The following BMP1 variants were observed in gnomAD, a reference collection of about 807,000 sequenced individuals.
The protein encoded by BMP1 is bone morphogenetic protein 1.
In BMP1, 63 loss-of-function variants were observed where a neutral mutation model predicts 116.8. The ratio of observed to expected loss-of-function variants is 0.54; its 90% CI spans 0.44 to 0.67. The LOEUF (loss-of-function observed/expected upper bound fraction) is 0.67, where lower values mean the gene tolerates loss of function less well. BMP1 is among the 30% of genes least tolerant of loss of function. The pLI is 0.00. For synonymous variants in BMP1, 536 were observed against 533.4 expected, an observed-to-expected ratio of 1.00 and a Z score of -0.07; for missense variants, 1,183 against 1,358.9, an observed-to-expected ratio of 0.87 and a Z score of 2.04.
chr8:22,201,413 G>C (rs1829260708), intron 15 of BMP1: 1 of 1,430,154 alleles, frequency 7.0e-7, no homozygotes. Context: ...CTCCCATTTT[G>C]ATGGTGTCTG....
At chr8:22,207,753 T>G (rs541070452) in intron 18 of BMP1, among the ~76,000 whole-genome samples, 1 of 152,262 alleles carries the variant, frequency 6.6e-6, no homozygotes, top group African/African-American at 2.4e-5. Flanking sequence ...GTGAGGGAAC[T>G]CAGGGACAGA....
chr8:22,192,873 CTT>C (rs944067277), intron 9 of BMP1, among the ~76,000 whole-genome samples: 2 of 152,222 alleles, frequency 1.3e-5, no homozygotes, highest in African/African-American at 4.8e-5. Flanking sequence ...CAGGACCACT[CTT>C]TGGCAACAGA....
At chr8:22,188,168 C>T (rs1384511133) in intron 8 of BMP1, among the ~76,000 whole-genome samples, 1 of 149,554 alleles carries the variant, frequency 6.7e-6, no homozygotes, top group Admixed American at 6.6e-5. Flanking sequence ...TGATCATTTC[C>T]AGTTTTGGGT....
rs201284052 is a variant in BMP1 at position 22,201,110 on chromosome 8, C to T, written c.2108-693C>T. 7.6e-6 allele frequency: 12 copies of T among 1,572,220 alleles called. No homozygotes were observed. Among genetic ancestry groups the T allele is most frequent in the South Asian group, 3.3e-5 (3 of 90,534 alleles). ...TGGTCCCTTTTCTCCTTCTCTCTCTCGTTTCAGAAAAGAGGCCAGCTCTGC... is the reference window on the plus strand; with the variant it reads ...TGGTCCCTTTTCTCCTTCTCTCTCTTGTTTCAGAAAAGAGGCCAGCTCTGC... On this transcript the variant is annotated intron_variant, in intron 15 of 19. Transcript: ENST00000306385.
In BMP1 at chr8:22,176,648, C is replaced by T. The variant is rs770454056; in HGVS notation, c.549C>T (p.Cys183=). 5 of 1,614,008 alleles carry T rather than the reference C, an allele frequency of 3.1e-6. No homozygotes were observed. The highest frequency in any genetic ancestry group is 4.2e-6 in the Non-Finnish European group (5 of 1,179,894). The change falls in exon 4 of 20, where the codon TGC becomes TGT. Residue 183 remains cysteine, a splice_region_variant and synonymous_variant. Coordinates refer to ENST00000306385, the MANE Select transcript of BMP1 (RefSeq NM_006129.5). ...DSYIVFTYRP[C]GCCSYVGRRG... Reference sequence around the variant, plus strand: ...ATATTGTGTTCACCTATCGACCTTGCGGGTGAGCAGGAAGCCCTAGGCGCT... The same window carrying T: ...ATATTGTGTTCACCTATCGACCTTGTGGGTGAGCAGGAAGCCCTAGGCGCT...
chr8:22,198,090 T>G (rs973198730), intron 15 of BMP1, among the ~76,000 whole-genome samples: 6 of 151,964 alleles, frequency 3.9e-5, no homozygotes, highest in Admixed American at 3.3e-4. Context: ...GAGGCTGAGG[T>G]AGGAGGATTG....
intron 8 of BMP1, among the ~76,000 whole-genome samples, chr8:22,190,857 C>A (rs1828911759): frequency 6.6e-6 from 1 of 152,206 alleles, no homozygotes; most frequent in African/African-American, 2.4e-5. Flanking sequence ...GAACCCAGCT[C>A]TCCCAGAGCA....
chr8:22,170,918 T>G (rs1440421329), intron 1 of BMP1: 2 of 151,368 alleles, frequency 1.3e-5, no homozygotes, highest in Non-Finnish European at 2.9e-5. Flanking sequence ...AGAGTGAGAC[T>G]CCATTTCAAA....
intron 2 of BMP1, among the ~76,000 whole-genome samples, chr8:22,174,984 A>G (rs937065947): frequency 9.2e-5 from 14 of 152,294 alleles, no homozygotes; most frequent in Non-Finnish European, 1.8e-4. Context: ...GTGTGCCTGA[A>G]GTTGTCCTGT....
intron 16 of BMP1, among the ~76,000 whole-genome samples, chr8:22,206,204 TA>T (rs1829351234): frequency 6.6e-6 from 1 of 151,402 alleles, no homozygotes; most frequent in Non-Finnish European, 1.5e-5. Flanking sequence ...CTGTCTCTAC[TA>T]AAAATACAAA....
In BMP1 at chr8:22,194,634, G is replaced by C; in HGVS notation, c.1443+44G>C. On this transcript the variant is annotated intron_variant, in intron 11 of 19. Transcript: ENST00000306385. This position sits in a 1 kb window ranked among gnomAD's most constrained non-coding sequence, Gnocchi z 4.5. ...GATCTGACCTTTGAATCCAGCAGTT[G>C]CTCCCTGGGACAGCTGCCTCTCTTT... 6.2e-7 allele frequency: 1 copy of C among 1,608,174 alleles called. No individual in the cohort carries two copies. Among genetic ancestry groups the C allele is most frequent in the Non-Finnish European group, 8.5e-7 (1 of 1,176,078 alleles).
intron 18 of BMP1, among the ~76,000 whole-genome samples, chr8:22,208,278 G>A (rs73551751): frequency 0.25 from 38,214 of 152,212 alleles, 8,679 homozygotes; most frequent in African/African-American, 0.61. Context: ...CAGCCCTTGA[G>A]GGGCTTGCTC....
intron 15 of BMP1, chr8:22,199,115 C>G: frequency 7.3e-7 from 1 of 1,367,686 alleles, no homozygotes; most frequent in South Asian, 1.1e-5. Context: ...CCCGCCCCAC[C>G]CTCAGCCCTG....
intron 1 of BMP1, among the ~76,000 whole-genome samples, chr8:22,172,605 C>CT (rs1433423476): frequency 1.4e-5 from 2 of 140,818 alleles, no homozygotes; most frequent in African/African-American, 5.5e-5. Context: ...ATTTTATTTC[C>CT]TCTTTTTTTT....
chr8:22,172,147 C>T (rs567848092), intron 1 of BMP1, among the ~76,000 whole-genome samples: 47 of 152,210 alleles, frequency 3.1e-4, no homozygotes, highest in Non-Finnish European at 5.4e-4. Context: ...ATTTGTGTAA[C>T]GCGACCGCCA....
At chr8:22,208,411 A>G (rs1350854082) in intron 18 of BMP1, among the ~76,000 whole-genome samples, 1 of 152,200 alleles carries the variant, frequency 6.6e-6, no homozygotes, top group African/African-American at 2.4e-5. Flanking sequence ...CCATACTAGG[A>G]ACTCGCAGTC....
intron 15 of BMP1, chr8:22,200,985 G>GAC: frequency 6.4e-6 from 2 of 314,830 alleles, no homozygotes; most frequent in Non-Finnish European, 1.3e-5. Flanking sequence ...GTGTCCGCCT[G>GAC]CCCTCCCGCC....
At chr8:22,191,474 A>C (rs1828929649) in intron 8 of BMP1, among the ~76,000 whole-genome samples, 1 of 152,020 alleles carries the variant, frequency 6.6e-6, no homozygotes, top group Non-Finnish European at 1.5e-5. Flanking sequence ...ACAGTGACGC[A>C]CTCCTGTAAT....
Position 22,165,465 on chromosome 8 carries a change from C to T in BMP1, c.60C>T (p.Gly20=). 1 of 1,581,010 alleles carries T rather than the reference C, an allele frequency of 6.3e-7. No individual in the cohort carries two copies. Among genetic ancestry groups the T allele is most frequent in the Non-Finnish European group, 8.6e-7 (1 of 1,167,458 alleles). The part of the protein sequence containing the change: ...LLGLLLLPRP[G]RPLDLADYTY... ...GGCTGCTGCTGCTCCCGCGTCCCGG[C>T]CGGCCGCTGGACTTGGCCGACTACA... is the stretch of plus-strand genomic sequence containing the variant. Residue 20 remains glycine (G), a synonymous_variant, in exon 1 of 20, where the codon GGC becomes GGT. Transcript: ENST00000306385.
Sources: gnomAD v4.1 joint callset for allele counts (sites outside exome capture counted in the v4.1 genomes callset) on GRCh38, gnomAD v4.1.1 for gene constraint, Gnocchi (gnomAD v3.1) non-coding constraint, MANE v1.5 for transcripts, NCBI Gene and HGNC (gene_info 2026-07-23, HGNC 2026-07-21) for gene names.